RHOBTB1: variants seen among roughly 807,000 people sequenced by gnomAD.
The protein encoded by RHOBTB1 is rho-related BTB domain-containing protein 1.
In RHOBTB1, 40 loss-of-function variants were observed where a neutral mutation model predicts 71.6. The ratio of observed to expected loss-of-function variants is 0.56; its 90% CI spans 0.43 to 0.73. RHOBTB1 has a LOEUF of 0.73. RHOBTB1 is among the 30% of genes least tolerant of loss of function. The pLI, the probability that RHOBTB1 is intolerant of heterozygous loss-of-function variation, is 0.00. For missense variants in RHOBTB1, 797 were observed against 894.0 expected (o/e 0.89, Z 1.38); for synonymous variants, 319 against 334.9 (o/e 0.95, Z 0.52).
At chr10:60,868,064 TTTTC>T (rs1288727705), downstream of RHOBTB1, among the ~76,000 whole-genome samples, 2 of 152,180 alleles carry the variant, frequency 1.3e-5, no homozygotes, top group Non-Finnish European at 2.9e-5. Flanking sequence ...TTCCTTCTTT[TTTTC>T]TTTCTTTCTT....
At chr10:60,899,187 T>C (rs1455510734) in intron 4 of RHOBTB1, among the ~76,000 whole-genome samples, 1 of 152,326 alleles carries the variant, frequency 6.6e-6, no homozygotes, top group East Asian at 1.9e-4. Flanking sequence ...GCATGTGAAA[T>C]TGCGTGAAGC....
At chr10:60,863,949 T>C in the RHOBTB1 span, among the ~76,000 whole-genome samples, 1 of 152,188 alleles carries the variant, frequency 6.6e-6, no homozygotes, top group Admixed American at 6.5e-5. Context: ...CTGCTGCAGC[T>C]GCTTTCCCTG....
intron 2 of RHOBTB1, among the ~76,000 whole-genome samples, chr10:60,927,816 T>A (rs546481035): frequency 1.3e-5 from 2 of 152,204 alleles, no homozygotes; most frequent in African/African-American, 4.8e-5. Flanking sequence ...AAAGATTTCC[T>A]GAGATCTCAC....
At chr10:60,861,707 A>T in the RHOBTB1 span, among the ~76,000 whole-genome samples, 27 of 152,156 alleles carry the variant, frequency 1.8e-4, 1 homozygote, top group African/African-American at 5.6e-4. Context: ...TTCAACAAAG[A>T]TTACTATTAC....
chr10:60,901,546 C>A (rs1021504690), intron 4 of RHOBTB1, among the ~76,000 whole-genome samples: 4 of 152,116 alleles, frequency 2.6e-5, no homozygotes, highest in African/African-American at 9.7e-5. Context: ...AGATAGGTAA[C>A]AGAATTATCC....
downstream of RHOBTB1, among the ~76,000 whole-genome samples, chr10:60,866,695 T>C (rs926301810): frequency 6.6e-6 from 1 of 152,060 alleles, no homozygotes; most frequent in African/African-American, 2.4e-5. Flanking sequence ...ATAGAAAACA[T>C]GGAGGCCCTA....
chr10:60,950,481 A>G (rs1191426786), intron 2 of RHOBTB1, among the ~76,000 whole-genome samples: 1 of 152,182 alleles, frequency 6.6e-6, no homozygotes, highest in Admixed American at 6.5e-5. Context: ...AAAAACCAAA[A>G]ACGAAACAAA....
intron 2 of RHOBTB1, among the ~76,000 whole-genome samples, chr10:60,977,280 C>T (rs951208304): frequency 1.1e-4 from 17 of 151,924 alleles, no homozygotes; most frequent in Admixed American, 1.1e-3. Flanking sequence ...ACTTATAGCT[C>T]AATATAATAT....
At chr10:60,977,572 T>C (rs1018895114) in intron 2 of RHOBTB1, among the ~76,000 whole-genome samples, 3 of 152,096 alleles carry the variant, frequency 2.0e-5, no homozygotes, top group East Asian at 3.9e-4. Flanking sequence ...CCAAATGTAA[T>C]TATAAATCAC....
At chr10:60,977,188 G>A (rs1232966340) in intron 2 of RHOBTB1, among the ~76,000 whole-genome samples, 2 of 152,034 alleles carry the variant, frequency 1.3e-5, no homozygotes, top group East Asian at 3.9e-4. Flanking sequence ...GATATTAGAA[G>A]TGTATTAGCT....
intron 2 of RHOBTB1, among the ~76,000 whole-genome samples, chr10:60,929,095 A>G (rs990556992): frequency 6.6e-6 from 1 of 152,160 alleles, no homozygotes; most frequent in Non-Finnish European, 1.5e-5. Flanking sequence ...GAGAATAGCA[A>G]GGGGGAAGTT....
intron 4 of RHOBTB1, among the ~76,000 whole-genome samples, chr10:60,896,054 G>A (rs2082146284): frequency 1.3e-5 from 2 of 152,128 alleles, no homozygotes; most frequent in Non-Finnish European, 2.9e-5. Flanking sequence ...TCTAGATTTT[G>A]AGCCATTTTT....
intron 2 of RHOBTB1, among the ~76,000 whole-genome samples, chr10:60,983,110 C>T (rs138419014): frequency 1.4e-3 from 207 of 152,104 alleles, no homozygotes; most frequent in Non-Finnish European, 9.1e-4. Context: ...AATTAGCATG[C>T]CATTATGGAG....
intron 2 of RHOBTB1, among the ~76,000 whole-genome samples, chr10:60,982,226 C>T (rs1276275681): frequency 5.3e-5 from 8 of 152,294 alleles, no homozygotes; most frequent in Non-Finnish European, 1.0e-4. Flanking sequence ...GGTCACTCTA[C>T]TCCTAAAGGC....
chr10:60,867,551 A>G (rs1357224181), downstream of RHOBTB1, among the ~76,000 whole-genome samples: 1 of 152,222 alleles, frequency 6.6e-6, no homozygotes, highest in Admixed American at 6.5e-5. Flanking sequence ...TAATTCTTTC[A>G]CGTCTGTGGA....
intron 4 of RHOBTB1, among the ~76,000 whole-genome samples, chr10:60,896,761 T>A (rs1440149941): frequency 1.3e-5 from 2 of 152,144 alleles, no homozygotes; most frequent in African/African-American, 2.4e-5. Flanking sequence ...TTTCGCTGGG[T>A]ACTAAGACAT....
intron 1 of RHOBTB1, among the ~76,000 whole-genome samples, chr10:60,988,292 TA>T (rs1034466569): frequency 1.3e-5 from 2 of 152,184 alleles, no homozygotes; most frequent in Non-Finnish European, 1.5e-5. Flanking sequence ...ACTAAGATTT[TA>T]TTTTTTAAAA....
chr10:60,945,759 A>G (rs1462041293), upstream of RHOBTB1, among the ~76,000 whole-genome samples: 1 of 152,052 alleles, frequency 6.6e-6, no homozygotes, highest in East Asian at 1.9e-4. Flanking sequence ...CCACGGCAGT[A>G]TTTTTGAAAA....
intron 2 of RHOBTB1, among the ~76,000 whole-genome samples, chr10:60,979,519 A>G (rs984356529): frequency 2.6e-5 from 4 of 152,192 alleles, no homozygotes; most frequent in African/African-American, 9.6e-5. Context: ...CAGAATGGCA[A>G]ATTATGGCTC....
Sources: allele counts gnomAD v4.1 joint callset (sites outside exome capture counted in the v4.1 genomes callset), GRCh38; gene constraint gnomAD v4.1.1; transcripts MANE v1.5; gene names NCBI Gene and HGNC (gene_info 2026-07-23, HGNC 2026-07-21).